PKNOX2: variants seen among roughly 807,000 people sequenced by gnomAD.
The protein encoded by PKNOX2 is homeobox protein PKNOX2.
PKNOX2 carries 14 observed loss-of-function variants against 53.1 expected under a neutral mutation model. The observed-to-expected ratio is 0.26, with a 90% confidence interval of 0.17 to 0.41. PKNOX2 has a LOEUF of 0.41. Among genes scored for constraint, PKNOX2 ranks in the 10% least tolerant of loss-of-function variants. The pLI, the probability that PKNOX2 is intolerant of heterozygous loss-of-function variation, is 1.00. For synonymous variants in PKNOX2, 257 were observed against 242.8 expected (o/e 1.06, Z -0.54); for missense variants, 496 against 602.8 (o/e 0.82, Z 1.85).
At chr11:125,406,641 C>G (rs1955118683) in intron 7 of PKNOX2, among the ~76,000 whole-genome samples, 2 of 152,132 alleles carry the variant, frequency 1.3e-5, no homozygotes, top group Non-Finnish European at 2.9e-5. Flanking sequence ...AGCACTCGTC[C>G]TACACTCAGA....
chr11:125,351,144 T>G, intron 3 of PKNOX2, 140 bp from the exon 4 acceptor site: 1 of 678,506 alleles, frequency 1.5e-6, no homozygotes, highest in Non-Finnish European at 2.7e-6. Flanking sequence ...AGCTCTCATT[T>G]GTTGCCCTGA....
At chr11:125,347,803 C>A (rs1222791255) in intron 3 of PKNOX2, among the ~76,000 whole-genome samples, 2 of 152,156 alleles carry the variant, frequency 1.3e-5, no homozygotes, top group Non-Finnish European at 2.9e-5. Flanking sequence ...GTTTTCAGCA[C>A]TGAACAAAAC....
rs189032684 is a variant in PKNOX2 at position 125,382,457 on chromosome 11, G to A, written c.228-3094G>A. On this transcript the variant is annotated intron_variant, in intron 5 of 12. Coordinates refer to ENST00000298282, the MANE Select transcript of PKNOX2 (RefSeq NM_001382323.2). ...CCCCCACCACCTGGCACGATGCTGC[G>A]GATTATTAGTTCCTGGTAATTTAGT... is the stretch of plus-strand genomic sequence containing the variant. Among the ~76,000 whole-genome samples the A allele has an allele frequency of 3.3e-3, 500 of 152,334 alleles. 5 individuals are homozygous for A. Among genetic ancestry groups the A allele is most frequent in the Middle Eastern group, 0.014 (4 of 294 alleles).
chr11:125,363,575 A>G (rs2136256254), intron 4 of PKNOX2, among the ~76,000 whole-genome samples: 1 of 152,180 alleles, frequency 6.6e-6, no homozygotes, highest in East Asian at 1.9e-4. Context: ...TTGAAAAGGG[A>G]CAGTCCTCCA....
intron 1 of PKNOX2, among the ~76,000 whole-genome samples, chr11:125,189,525 T>C (rs1344270855): frequency 7.6e-6 from 1 of 131,916 alleles, no homozygotes; most frequent in Non-Finnish European, 1.6e-5. Context: ...CCCTGCCCCA[T>C]CACCTTAACA....
At chr11:125,211,633 T>C (rs549703933) in intron 1 of PKNOX2, among the ~76,000 whole-genome samples, 5 of 152,258 alleles carry the variant, frequency 3.3e-5, no homozygotes, top group African/African-American at 9.6e-5. Flanking sequence ...CTTGGTCTTC[T>C]GGGCCTGCCC....
chr11:125,344,472 A>G (rs1026531533), intron 3 of PKNOX2, among the ~76,000 whole-genome samples: 4 of 152,170 alleles, frequency 2.6e-5, no homozygotes, highest in Non-Finnish European at 5.9e-5. Context: ...TTAAGGGCTG[A>G]AGGAGGATTG....
chr11:125,359,065 A>T (rs1951778423), intron 4 of PKNOX2, among the ~76,000 whole-genome samples: 1 of 152,150 alleles, frequency 6.6e-6, no homozygotes, highest in Admixed American at 6.5e-5. Flanking sequence ...GTCCCTGCTG[A>T]GGCAGCTGTG....
At chr11:125,205,143 T>C (rs1938937012) in intron 1 of PKNOX2, among the ~76,000 whole-genome samples, 3 of 152,252 alleles carry the variant, frequency 2.0e-5, no homozygotes, top group Admixed American at 2.0e-4. Context: ...GCTCCATACA[T>C]ATTTTAATCA....
At chr11:125,291,450 C>T (rs1947298977) in intron 2 of PKNOX2, among the ~76,000 whole-genome samples, 1 of 152,172 alleles carries the variant, frequency 6.6e-6, no homozygotes, top group African/African-American at 2.4e-5. Flanking sequence ...TCCTAGAGCA[C>T]AGACTGAGTC....
At chr11:125,182,297 G>A (rs924380592) in intron 1 of PKNOX2, among the ~76,000 whole-genome samples, 1 of 152,162 alleles carries the variant, frequency 6.6e-6, no homozygotes, top group Admixed American at 6.5e-5. Flanking sequence ...TCATGGAACT[G>A]AAGGCTCATG....
intron 2 of PKNOX2, among the ~76,000 whole-genome samples, chr11:125,265,305 A>G (rs1401458701): frequency 6.6e-6 from 1 of 151,892 alleles, no homozygotes; most frequent in Non-Finnish European, 1.5e-5. Flanking sequence ...AAAAAGTTAC[A>G]GGGCTCATTA....
intron 2 of PKNOX2, among the ~76,000 whole-genome samples, chr11:125,287,468 C>T (rs1291493410): frequency 6.6e-6 from 1 of 152,220 alleles, no homozygotes; most frequent in African/African-American, 2.4e-5. Context: ...CTCTAAGGCC[C>T]TTATGGAAAC....
intron 7 of PKNOX2, 172 bp from the exon 8 acceptor site, chr11:125,410,024 A>G: frequency 1.2e-6 from 1 of 838,988 alleles, no homozygotes. Flanking sequence ...GAGCCTTCTT[A>G]TTCACCCTTT....
At position 125,235,047 on chromosome 11, in the gene PKNOX2, G is replaced by A. The variant is rs1034756270; in HGVS notation, c.-198G>A. ...AAGATGTTTTCTTTCATTGGCAGGT[G>A]AAGTCTGGAGCAGGACTTCTGAGGC... On this transcript the variant is annotated splice_region_variant and 5_prime_UTR_variant, in exon 2 of 13. An upstream open reading frame in the 5' UTR loses its in-frame stop. Coordinates refer to ENST00000298282, the MANE Select transcript of PKNOX2 (RefSeq NM_001382323.2). The A allele has an allele frequency of 5.2e-5, 8 of 152,654 alleles. No individual in the cohort carries two copies. The highest frequency in any genetic ancestry group is 1.9e-4 in the African/African-American group (8 of 41,456). The allele number at this position is 152,654 out of a possible 1,614,324, so 9.5% of individuals were successfully genotyped here. A position where few individuals can be genotyped will look rare whatever the true frequency, so the allele number is the denominator to read the frequency against.
intron 1 of PKNOX2, among the ~76,000 whole-genome samples, chr11:125,195,433 A>G (rs1303858968): frequency 3.3e-5 from 5 of 152,104 alleles, no homozygotes; most frequent in Admixed American, 3.3e-4. Context: ...GAGGCCTGGG[A>G]AGCAGGAGGA....
At chr11:125,268,948 CGGGAGGGTGCCATGGG>C (rs1195560671) in intron 2 of PKNOX2, among the ~76,000 whole-genome samples, 2 of 15,016 alleles carry the variant, frequency 1.3e-4, no homozygotes, top group African/African-American at 5.1e-4. Context: ...ATGCCCATGG[CGGGAGGGTGCCATGGG>C]GGTGGGGTGG....
At chr11:125,416,320 A>G (rs1273688462) in intron 10 of PKNOX2, among the ~76,000 whole-genome samples, 1 of 150,836 alleles carries the variant, frequency 6.6e-6, no homozygotes, top group African/African-American at 2.5e-5. Flanking sequence ...AAAAAAAAAA[A>G]AAAAAAAGAA....
In PKNOX2 at chr11:125,352,047, C is replaced by T. The variant is rs1040681229; in HGVS notation, c.87+655C>T. Among the ~76,000 whole-genome samples, 2 of 152,154 alleles carry T rather than the reference C, an allele frequency of 1.3e-5. No individual in the cohort carries two copies. Among genetic ancestry groups the T allele is most frequent in the African/African-American group, 4.8e-5 (2 of 41,420 alleles). On this transcript the variant is annotated intron_variant, in intron 4 of 12. Transcript: ENST00000298282. The surrounding 1 kb of genome is among the most constrained non-coding windows in gnomAD (Gnocchi z 4.1). ...GCCTCTCCTGCAACATGCCCCTCCT[C>T]AGCAGTGCCTTCTGGCTGTCTTCAT...
Sources: gnomAD v4.1 joint callset for allele counts (sites outside exome capture counted in the v4.1 genomes callset) on GRCh38, gnomAD v4.1.1 for gene constraint, Gnocchi (gnomAD v3.1) non-coding constraint, MANE v1.5 for transcripts, NCBI Gene and HGNC (gene_info 2026-07-23, HGNC 2026-07-21) for gene names.